The following ZFHX3 variants were observed in gnomAD, a reference collection of about 807,000 sequenced individuals.
The protein encoded by ZFHX3 is zinc finger homeobox protein 3.
Under a neutral mutation model 279.1 loss-of-function variants are expected in ZFHX3, and 42 were observed. The ratio of observed to expected loss-of-function variants is 0.15; its 90% CI spans 0.12 to 0.19. The LOEUF is 0.19. Ranked by LOEUF, ZFHX3 falls within the 10% of genes least tolerant of loss-of-function variation. ZFHX3 has a pLI of 1.00. For synonymous variants in ZFHX3, 2,293 were observed against 1,957.8 expected, an observed-to-expected ratio of 1.17 and a Z score of -4.52; for missense variants, 4,981 against 4,754.0, an observed-to-expected ratio of 1.05 and a Z score of -1.40.
intron 2 of ZFHX3, among the ~76,000 whole-genome samples, chr16:73,521,801 T>C (rs1466436330): frequency 6.6e-6 from 1 of 152,190 alleles, no homozygotes; most frequent in Non-Finnish European, 1.5e-5. Flanking sequence ...AAATGGCAGA[T>C]ACTCATAATC....
At chr16:73,862,784 A>C (rs994282724) in intron 1 of ZFHX3, among the ~76,000 whole-genome samples, 3 of 152,152 alleles carry the variant, frequency 2.0e-5, no homozygotes, top group East Asian at 1.9e-4. Flanking sequence ...ACAATCAATC[A>C]ATCAATCAAT....
chr16:72,845,404 A>C (rs1361736638), intron 4 of ZFHX3, among the ~76,000 whole-genome samples: 1 of 152,152 alleles, frequency 6.6e-6, no homozygotes, highest in Non-Finnish European at 1.5e-5. Context: ...CAAGTCAATG[A>C]AAGGCTCCAT....
chr16:73,001,841 A>G (rs2144597930), intron 1 of ZFHX3, among the ~76,000 whole-genome samples: 1 of 152,142 alleles, frequency 6.6e-6, no homozygotes, highest in South Asian at 2.1e-4. Flanking sequence ...GGGGGAAAGA[A>G]AAGAAAATAT....
chr16:72,959,338 C>T lies in ZFHX3; in HGVS notation c.808G>A (p.Asp270Asn), dbSNP rs1567606533. ...VPNNVDLSKF[D>N]GFVLYGKRKP... ...CTCTTGCCATAGAGCACAAAGCCAT[C>T]GAATTTGGACAGGTCCACATTGTTG... The change falls in exon 2 of 10, where the codon GAT becomes AAT. Residue 270 changes from aspartate to asparagine, a missense_variant. Asp to Asn is a conservative substitution (Grantham distance 23). This residue lies in a region of ZFHX3 where 1,068 missense variants were observed against 935.2 expected (regional missense o/e 1.14). Transcript: ENST00000268489. 2 of 1,614,082 alleles carry T rather than the reference C, an allele frequency of 1.2e-6. No individual in the cohort carries two copies. The highest frequency in any genetic ancestry group is 1.3e-5 in the African/African-American group (1 of 74,922).
Position 73,055,913 on chromosome 16 carries a change from A to G in ZFHX3, c.-24+2617T>C, listed in dbSNP as rs1216207214. Among the ~76,000 whole-genome samples, 4 of 152,080 alleles carry G rather than the reference A, an allele frequency of 2.6e-5. No individual in the cohort carries two copies. The East Asian group carries it at 5.8e-4, about 22-fold the overall frequency. ...TCCTCCAGAGACTTTGTATGTTTAAAAAGTCCACAGATCTGAATCGCCTCC... is the reference window on the plus strand; with the variant it reads ...TCCTCCAGAGACTTTGTATGTTTAAGAAGTCCACAGATCTGAATCGCCTCC... On this transcript the variant is annotated intron_variant, in intron 1 of 8. Transcript: ENST00000397992.
intron 4 of ZFHX3, among the ~76,000 whole-genome samples, chr16:73,301,767 T>TTTTG (rs1163208322): frequency 6.6e-6 from 1 of 151,992 alleles, no homozygotes; most frequent in Admixed American, 6.5e-5. Flanking sequence ...GCTTTTTTTT[T>TTTTG]TTTTTTGTGA....
chr16:72,998,373 C>A (rs935032323), intron 1 of ZFHX3, among the ~76,000 whole-genome samples: 1 of 152,164 alleles, frequency 6.6e-6, no homozygotes, highest in Non-Finnish European at 1.5e-5. Context: ...CACACTCCAG[C>A]CTGGGCAACA....
chr16:72,811,855 A>G (rs1205642150), intron 6 of ZFHX3, 50 bp downstream of exon 6: 1 of 1,605,006 alleles, frequency 6.2e-7, no homozygotes, highest in African/African-American at 1.3e-5. Context: ...TTCCCTACCA[A>G]TGTCTAAAAC....
At chr16:73,830,369 G>A (rs937443097) in intron 1 of ZFHX3, among the ~76,000 whole-genome samples, 3 of 151,586 alleles carry the variant, frequency 2.0e-5, no homozygotes, top group Admixed American at 6.6e-5. Flanking sequence ...CGTCTTCTGC[G>A]TCGCTCACGC....
At chr16:73,847,389 G>A (rs1301810600) in intron 1 of ZFHX3, among the ~76,000 whole-genome samples, 2 of 152,152 alleles carry the variant, frequency 1.3e-5, no homozygotes, top group African/African-American at 2.4e-5. Context: ...GGGGGGATTT[G>A]GCTGGTCCCT....
intron 3 of ZFHX3, among the ~76,000 whole-genome samples, chr16:73,385,376 A>G (rs1304924775): frequency 6.6e-6 from 1 of 152,228 alleles, no homozygotes; most frequent in African/African-American, 2.4e-5. Context: ...ATTTTGGCAC[A>G]TCTGCAGGAG....
At chr16:73,761,598 A>G (rs546493294) in intron 1 of ZFHX3, among the ~76,000 whole-genome samples, 2 of 152,356 alleles carry the variant, frequency 1.3e-5, no homozygotes, top group Admixed American at 6.5e-5. Flanking sequence ...ACAAGGCTAT[A>G]GTAATCAAAA....
chr16:72,873,488 C>G (rs555944826), intron 4 of ZFHX3, among the ~76,000 whole-genome samples: 2 of 152,278 alleles, frequency 1.3e-5, no homozygotes, highest in African/African-American at 4.8e-5. Flanking sequence ...TTGATGAATC[C>G]GTACCACCTC....
In ZFHX3 at chr16:73,588,800, C is replaced by G. The variant is rs1032586493; in HGVS notation, c.-1547+91380G>C. Among the ~76,000 whole-genome samples the G allele has an allele frequency of 4.0e-5, 6 of 151,360 alleles. No homozygotes were observed. The Middle Eastern group carries it at 0.011, about 266-fold the overall frequency. On this transcript the variant is annotated intron_variant, in intron 2 of 17. Coordinates refer to the ZFHX3 transcript ENST00000641206. ...CAAAATTCAGACTGTAGAAAATTCT[C>G]TATAACAAATAGTTTCTCTTTAACA...
intron 1 of ZFHX3, among the ~76,000 whole-genome samples, chr16:73,040,658 T>C (rs1408961585): frequency 1.3e-5 from 2 of 152,170 alleles, no homozygotes; most frequent in African/African-American, 2.4e-5. Flanking sequence ...TTCCACCCCA[T>C]GGGGAAGAAG....
chr16:73,358,167 A>G (rs2016376103), intron 3 of ZFHX3, among the ~76,000 whole-genome samples: 1 of 152,230 alleles, frequency 6.6e-6, no homozygotes, highest in Non-Finnish European at 1.5e-5. Context: ...TGTGCTAGGC[A>G]GCTCCGGAAA....
intron 5 of ZFHX3, among the ~76,000 whole-genome samples, chr16:73,155,824 A>AAAAT: frequency 6.6e-6 from 1 of 150,852 alleles, no homozygotes; most frequent in South Asian, 2.1e-4. Context: ...ACTCTGCCTC[A>AAAAT]AAACAAACAA....
At chr16:72,863,537 C>CAGAG (rs374148445) in intron 4 of ZFHX3, among the ~76,000 whole-genome samples, 10 of 148,312 alleles carry the variant, frequency 6.7e-5, no homozygotes, top group East Asian at 4.0e-4. Flanking sequence ...CAGAGACAGA[C>CAGAG]AGAGAGAGAG....
At chr16:73,285,309 C>T (rs764317902) in intron 4 of ZFHX3, among the ~76,000 whole-genome samples, 21 of 152,132 alleles carry the variant, frequency 1.4e-4, no homozygotes, top group African/African-American at 2.2e-4. Flanking sequence ...ATTAAGGGAT[C>T]GGTAGAGGGT....
Sources: allele counts gnomAD v4.1 joint callset (sites outside exome capture counted in the v4.1 genomes callset), GRCh38; gene constraint gnomAD v4.1.1; regional missense constraint gnomAD v4.1.1; transcripts MANE v1.5; gene names NCBI Gene and HGNC (gene_info 2026-07-23, HGNC 2026-07-21).